Variants in TMED3 observed in about 807,000 individuals in gnomAD.
The protein encoded by TMED3 is transmembrane p24 trafficking protein 3.
In TMED3, 9 loss-of-function variants were observed where a neutral mutation model predicts 15.0. That is an observed-to-expected ratio of 0.60 (90% CI 0.36 to 1.04). The LOEUF is 1.04. TMED3 is among the 50% of genes least tolerant of loss of function. The pLI is 0.01. For missense variants in TMED3, 267 were observed against 278.9 expected, an observed-to-expected ratio of 0.96 and a Z score of 0.30; for synonymous variants, 117 against 121.4, an observed-to-expected ratio of 0.96 and a Z score of 0.24.
At chr15:79,390,350 T>C (rs1214522415) in intron 2 of TMED3, among the ~76,000 whole-genome samples, 1 of 152,208 alleles carries the variant, frequency 6.6e-6, no homozygotes, top group African/African-American at 2.4e-5. Flanking sequence ...GAGATGATCA[T>C]GTGATTTTTG....
At chr15:79,386,108 C>T (rs1893623386) in intron 2 of TMED3, among the ~76,000 whole-genome samples, 1 of 152,068 alleles carries the variant, frequency 6.6e-6, no homozygotes, top group Non-Finnish European at 1.5e-5. Context: ...TTACAGATAA[C>T]CTGTATTTTC....
At chr15:79,334,611 C>G (rs575253556) in intron 2 of TMED3, among the ~76,000 whole-genome samples, 9 of 152,140 alleles carry the variant, frequency 5.9e-5, no homozygotes, top group African/African-American at 1.7e-4. Context: ...CTCAACTTCT[C>G]CCCACACAGT....
intron 2 of TMED3, among the ~76,000 whole-genome samples, chr15:79,374,608 T>C (rs1454636906): frequency 1.3e-5 from 2 of 152,220 alleles, no homozygotes; most frequent in Non-Finnish European, 2.9e-5. Flanking sequence ...AAAGTCAAGA[T>C]GGAAACTGAC....
At chr15:79,372,268 T>A (rs559197876) in intron 2 of TMED3, among the ~76,000 whole-genome samples, 2 of 152,296 alleles carry the variant, frequency 1.3e-5, no homozygotes, top group Non-Finnish European at 2.9e-5. Flanking sequence ...GTGGAGAATT[T>A]GTAATGTGGG....
At chr15:79,345,361 C>T (rs1567028606) in intron 2 of TMED3, among the ~76,000 whole-genome samples, 1 of 152,134 alleles carries the variant, frequency 6.6e-6, no homozygotes, top group Non-Finnish European at 1.5e-5. Flanking sequence ...CATGTGTTCT[C>T]ATCATTTAGC....
At chr15:79,401,737 A>G (rs1417603619) in intron 2 of TMED3, among the ~76,000 whole-genome samples, 1 of 152,170 alleles carries the variant, frequency 6.6e-6, no homozygotes, top group Admixed American at 6.5e-5. Context: ...AAAAAGGACA[A>G]ATGGAAAAGA....
At chr15:79,392,413 A>C (rs950751668) in intron 2 of TMED3, among the ~76,000 whole-genome samples, 16 of 152,098 alleles carry the variant, frequency 1.1e-4, no homozygotes, top group African/African-American at 3.9e-4. Context: ...TTTTTGTTTC[A>C]AGAGGCTGAG....
intron 2 of TMED3, among the ~76,000 whole-genome samples, chr15:79,357,193 A>G (rs1182158397): frequency 1.3e-5 from 2 of 152,114 alleles, no homozygotes; most frequent in Middle Eastern, 3.2e-3. Context: ...TTTTAAAAAA[A>G]CAAGCACACG....
chr15:79,384,607 C>G (rs529650677), intron 2 of TMED3: 6 of 152,286 alleles, frequency 3.9e-5, no homozygotes, highest in African/African-American at 1.4e-4. Context: ...CTCTTGTCTA[C>G]CATGTGTATA....
intron 2 of TMED3, among the ~76,000 whole-genome samples, chr15:79,369,169 C>T (rs995547055): frequency 3.3e-5 from 5 of 151,858 alleles, no homozygotes; most frequent in Non-Finnish European, 1.5e-5. Context: ...AGGGCAAGTT[C>T]GTCTAACTAT....
intron 2 of TMED3, among the ~76,000 whole-genome samples, chr15:79,375,036 G>A (rs560124995): frequency 6.6e-6 from 1 of 152,190 alleles, no homozygotes; most frequent in African/African-American, 2.4e-5. Context: ...CACAATGCTA[G>A]ATACACTCGT....
chr15:79,313,939 C>T lies in TMED3; in HGVS notation c.351C>T (p.Asp117=). Residue 117 remains aspartate (D), a synonymous_variant, in exon 2 of 3, where the codon GAC becomes GAT. Transcript: ENST00000299705. ...STFSHKTVYF[D]FQVGDEPPIL... ...TCTCTCACAAGACCGTCTACTTTGA[C>T]TTTCAAGTGGGCGATGAGCCTCCCA... The T allele has an allele frequency of 6.2e-7, 1 of 1,614,246 alleles. No homozygotes were observed.
intron 2 of TMED3, among the ~76,000 whole-genome samples, chr15:79,378,162 T>G (rs2141248247): frequency 6.6e-6 from 1 of 152,346 alleles, no homozygotes; most frequent in South Asian, 2.1e-4. Context: ...GCTCTAAGTG[T>G]TAAAAATTCT....
chr15:79,355,123 C>G (rs1211058246), intron 2 of TMED3, among the ~76,000 whole-genome samples: 1 of 152,036 alleles, frequency 6.6e-6, no homozygotes, highest in Non-Finnish European at 1.5e-5. Context: ...ATTGAGAACC[C>G]CAGATGCTTC....
At chr15:79,329,206 G>A (rs376393459) in intron 2 of TMED3, among the ~76,000 whole-genome samples, 9 of 152,318 alleles carry the variant, frequency 5.9e-5, no homozygotes, top group African/African-American at 2.2e-4. Flanking sequence ...ACTCTCTAAA[G>A]AGACAACAAC....
chr15:79,333,012 C>T (rs1292135549), intron 2 of TMED3, among the ~76,000 whole-genome samples: 1 of 152,224 alleles, frequency 6.6e-6, no homozygotes, highest in Non-Finnish European at 1.5e-5. Context: ...TGGTTTGCTT[C>T]CTCTGTGCTT....
At chr15:79,397,256 A>C (rs1893773613) in intron 2 of TMED3, among the ~76,000 whole-genome samples, 2 of 152,354 alleles carry the variant, frequency 1.3e-5, no homozygotes, top group East Asian at 1.9e-4. Context: ...CACAGAGGCT[A>C]TCTCTTCAGT....
chr15:79,396,730 T>G (rs1893767821), intron 2 of TMED3, among the ~76,000 whole-genome samples: 1 of 152,200 alleles, frequency 6.6e-6, no homozygotes, highest in South Asian at 2.1e-4. Context: ...TCACTGGAAA[T>G]GTAGTTAGCC....
intron 2 of TMED3, among the ~76,000 whole-genome samples, chr15:79,391,599 G>T (rs963690125): frequency 6.6e-6 from 1 of 152,198 alleles, no homozygotes; most frequent in Non-Finnish European, 1.5e-5. Flanking sequence ...TTGTTCAAGG[G>T]TATAATTTAA....
Sources: gnomAD v4.1 joint callset for allele counts (sites outside exome capture counted in the v4.1 genomes callset) on GRCh38, gnomAD v4.1.1 for gene constraint, MANE v1.5 for transcripts, NCBI Gene and HGNC (gene_info 2026-07-23, HGNC 2026-07-21) for gene names.